Variants in LAMA2 observed in about 807,000 individuals in gnomAD.
LAMA2 encodes the protein laminin subunit alpha-2.
LAMA2 carries 269 observed loss-of-function variants against 364.8 expected under a neutral mutation model. The ratio of observed to expected loss-of-function variants is 0.74; its 90% CI spans 0.67 to 0.82. The LOEUF (loss-of-function observed/expected upper bound fraction) is 0.82. Among genes scored for constraint, LAMA2 ranks in the 40% least tolerant of loss-of-function variants. The pLI is 0.00. For missense variants in LAMA2, 3,807 were observed against 3,873.2 expected, an observed-to-expected ratio of 0.98 and a Z score of 0.45; for synonymous variants, 1,379 against 1,370.6, an observed-to-expected ratio of 1.01 and a Z score of -0.14.
At chr6:129,133,190 T>G (rs902984665) in intron 4 of LAMA2, among the ~76,000 whole-genome samples, 2 of 152,252 alleles carry the variant, frequency 1.3e-5, no homozygotes, top group African/African-American at 4.8e-5. Flanking sequence ...AATAATTTAA[T>G]TTTTTAAAAT....
In LAMA2 at chr6:128,959,502, C is replaced by T. The variant is rs141353904; in HGVS notation, c.112+76145C>T. Among the ~76,000 whole-genome samples the T allele has an allele frequency of 2.2e-3, 329 of 152,230 alleles. 1 individual carries two copies. The highest frequency in any genetic ancestry group is 3.4e-3 in the Non-Finnish European group (233 of 68,012). On this transcript the variant is annotated intron_variant, in intron 1 of 64. Transcript: ENST00000421865. ...TTCTTCACTCACCTTACTCTATGAA[C>T]CCCAGGGTCTTTACATCCCTTGAGG...
chr6:129,050,347 T>A (rs1029960347), intron 2 of LAMA2, among the ~76,000 whole-genome samples: 1 of 152,216 alleles, frequency 6.6e-6, no homozygotes, highest in African/African-American at 2.4e-5. Flanking sequence ...TAACTCCAGA[T>A]ACCAAAGTGG....
chr6:129,240,506 A>T (rs569340654), intron 12 of LAMA2, among the ~76,000 whole-genome samples: 1 of 152,268 alleles, frequency 6.6e-6, no homozygotes, highest in Non-Finnish European at 1.5e-5. Context: ...TCTCTTTTTA[A>T]ATACTCCCAT....
chr6:129,147,085 C>A, intron 6 of LAMA2, 37 bp downstream of exon 6: 1 of 1,277,680 alleles, frequency 7.8e-7, no homozygotes, highest in Non-Finnish European at 1.1e-6. Flanking sequence ...CAAAATGAAG[C>A]CCTGAGCTGT....
chr6:129,162,187 C>T lies in LAMA2; in HGVS notation c.1207-3389C>T, dbSNP rs140932992. Among the ~76,000 whole-genome samples, 862 of 152,206 alleles carry T rather than the reference C, an allele frequency of 5.7e-3. 7 individuals carry two copies. Among genetic ancestry groups the T allele is most frequent in the Non-Finnish European group, 8.1e-3 (548 of 68,000 alleles). ...GTTATTTTTGACTTTCAGTAATAGC[C>T]GTTCTGACCAGTGTGAGATGGTAGT... On this transcript the variant is annotated intron_variant, in intron 8 of 64. Transcript: ENST00000421865.
intron 4 of LAMA2, among the ~76,000 whole-genome samples, chr6:129,115,960 C>T (rs1776454079): frequency 6.6e-6 from 1 of 152,066 alleles, no homozygotes; most frequent in African/African-American, 2.4e-5. Flanking sequence ...TTTTCCTGAC[C>T]TCCTAGGGCT....
intron 35 of LAMA2, among the ~76,000 whole-genome samples, chr6:129,385,918 T>G (rs1486592809): frequency 1.3e-5 from 2 of 152,168 alleles, no homozygotes; most frequent in Admixed American, 1.3e-4. Flanking sequence ...GAATTTTTAC[T>G]TACCTTTATA....
chr6:129,127,109 G>T (rs910349682), intron 4 of LAMA2, among the ~76,000 whole-genome samples: 1 of 152,114 alleles, frequency 6.6e-6, no homozygotes, highest in African/African-American at 2.4e-5. Flanking sequence ...TTAGAATATG[G>T]GTCCTCAGGG....
At chr6:129,165,380 C>T (rs1779682825) in intron 8 of LAMA2, among the ~76,000 whole-genome samples, 196 bp from the exon 9 acceptor site, 1 of 151,914 alleles carries the variant, frequency 6.6e-6, no homozygotes, top group African/African-American at 2.4e-5. Flanking sequence ...ATTCTATTAT[C>T]TTTACTTTTG....
chr6:129,006,712 G>T (rs754729706), intron 1 of LAMA2, among the ~76,000 whole-genome samples: 26 of 151,938 alleles, frequency 1.7e-4, no homozygotes, highest in Non-Finnish European at 3.2e-4. Context: ...CTCTCCTAGG[G>T]CTCTCCATCG....
intron 8 of LAMA2, among the ~76,000 whole-genome samples, chr6:129,157,165 C>G (rs1386767180): frequency 6.6e-6 from 1 of 152,162 alleles, no homozygotes; most frequent in African/African-American, 2.4e-5. Context: ...CATTTATCTT[C>G]TTAAGGCTTT....
intron 22 of LAMA2, among the ~76,000 whole-genome samples, chr6:129,310,012 G>T (rs1457662032): frequency 6.7e-6 from 1 of 149,816 alleles, no homozygotes; most frequent in Non-Finnish European, 1.5e-5. Flanking sequence ...CCATTCTCCT[G>T]CCTCAGCCTC....
rs946364587 is a variant in LAMA2 at position 129,154,387 on chromosome 6, C to T, written c.1028-118C>T. 5 of 895,784 alleles carry T rather than the reference C, an allele frequency of 5.6e-6. 1 individual carries two copies. Among genetic ancestry groups the T allele is most frequent in the Admixed American group, 2.1e-5 (1 of 48,416 alleles). 55.5% of individuals were successfully genotyped at this position (895,784 alleles called of 1,614,324 possible). ...AGATCGTGCCACTCTGCACTCCAGC[C>T]TGGGCGACAGAGTGAGACTCTGTCT... On this transcript the variant is annotated intron_variant, in intron 7 of 64. Coordinates refer to ENST00000421865, the MANE Select transcript of LAMA2 (RefSeq NM_000426.4).
At chr6:128,884,491 ATT>A (rs1166531975) in intron 1 of LAMA2, among the ~76,000 whole-genome samples, 1 of 152,124 alleles carries the variant, frequency 6.6e-6, no homozygotes, top group Non-Finnish European at 1.5e-5. Context: ...TAGTTCTGAT[ATT>A]TGTTCTTATA....
At chr6:129,101,302 T>C (rs1268101564) in intron 4 of LAMA2, among the ~76,000 whole-genome samples, 1 of 152,198 alleles carries the variant, frequency 6.6e-6, no homozygotes, top group African/African-American at 2.4e-5. Context: ...TGCAAATTCA[T>C]CTCCAATAAT....
intron 4 of LAMA2, among the ~76,000 whole-genome samples, chr6:129,113,595 C>A (rs1300876339): frequency 2.6e-5 from 4 of 151,910 alleles, no homozygotes; most frequent in African/African-American, 7.3e-5. Flanking sequence ...ATAGGCAAAA[C>A]AACAACAAAA....
chr6:129,316,363 A>C (rs575789699), intron 27 of LAMA2, among the ~76,000 whole-genome samples, 192 bp downstream of exon 27: 5 of 152,306 alleles, frequency 3.3e-5, no homozygotes, highest in African/African-American at 1.2e-4. Flanking sequence ...AAATAGCATG[A>C]GAAACACGTT....
intron 4 of LAMA2, among the ~76,000 whole-genome samples, chr6:129,139,256 A>G (rs1331761475): frequency 6.6e-6 from 1 of 152,080 alleles, no homozygotes; most frequent in Non-Finnish European, 1.5e-5. Flanking sequence ...TGAGCTTTCT[A>G]CAGCTCACCT....
At chr6:129,409,047 G>A (rs1451393628) in intron 40 of LAMA2, among the ~76,000 whole-genome samples, 1 of 152,130 alleles carries the variant, frequency 6.6e-6, no homozygotes, top group Non-Finnish European at 1.5e-5. Flanking sequence ...TGACCATCCA[G>A]CCAAACCATT....
Sources: gnomAD v4.1 joint callset for allele counts (sites outside exome capture counted in the v4.1 genomes callset) on GRCh38, gnomAD v4.1.1 for gene constraint, MANE v1.5 for transcripts, NCBI Gene and HGNC (gene_info 2026-07-23, HGNC 2026-07-21) for gene names.